The following MAP3K15 variants were observed in gnomAD, a reference collection of about 807,000 sequenced individuals.
MAP3K15 encodes mitogen-activated protein kinase kinase kinase 15.
Under a neutral mutation model 99.5 loss-of-function variants are expected in MAP3K15, and 124 were observed. That is an observed-to-expected ratio of 1.25 (90% CI 1.08 to 1.45). MAP3K15 has a LOEUF of 1.45. Among genes scored for constraint, MAP3K15 ranks in the 40% most tolerant of loss-of-function variants. The pLI is 0.00. For synonymous variants in MAP3K15, 494 were observed against 439.6 expected (o/e 1.12, Z -1.55); for missense variants, 1,242 against 1,079.7 (o/e 1.15, Z -2.11).
chrX:19,446,482 G>C (rs976423154), intron 6 of MAP3K15, among the ~76,000 whole-genome samples: 1 of 111,545 alleles, frequency 9.0e-6, no homozygotes, highest in Admixed American at 9.5e-5. Flanking sequence ...ACCTGCCTAA[G>C]GCCATGCAGA....
chrX:19,394,910 A>T (rs778928899), intron 16 of MAP3K15, among the ~76,000 whole-genome samples, 171 bp downstream of exon 16: 27 of 96,213 alleles, frequency 2.8e-4, no homozygotes, highest in Non-Finnish European at 8.0e-5. Context: ...TGCAGCCTTG[A>T]CCTCATGGGC....
At chrX:19,394,789 CTTTTTTTTTTTTTTTTTTTTTTTTTT>C (rs144723219) in intron 16 of MAP3K15, among the ~76,000 whole-genome samples, 179 of 17,520 alleles carry the variant, frequency 0.01, 3 homozygotes, top group African/African-American at 0.021. Context: ...GGGTCTGTTG[CTTTTTTTTTTTTTTTTTTTTTTTTTT>C]TTTTTTTTTT....
chrX:19,460,189 T>A lies in MAP3K15; in HGVS notation c.720-36A>T, dbSNP rs373588606. ...AAAAACACAAAATCCTCCAGTCACA[T>A]CTGCACGCACCCAGGACTGTCTTGC... On this transcript the variant is annotated intron_variant, in intron 4 of 28. Coordinates refer to ENST00000338883, the MANE Select transcript of MAP3K15 (RefSeq NM_001001671.4). 1.1e-5 allele frequency: 11 copies of A among 1,045,091 alleles called. No homozygotes were observed. The African/African-American group carries it at 2.1e-4, about 20-fold the overall frequency. 86.1% of individuals were successfully genotyped at this position (1,045,091 alleles called of 1,213,427 possible). A position where few individuals can be genotyped will look rare whatever the true frequency, so the allele number is the denominator to read the frequency against.
At chrX:19,446,400 T>C (rs1460975076) in intron 6 of MAP3K15, among the ~76,000 whole-genome samples, 1 of 111,849 alleles carries the variant, frequency 8.9e-6, no homozygotes, top group African/African-American at 3.2e-5. Flanking sequence ...CAAAATCATC[T>C]GGTCCAAATC....
intron 2 of MAP3K15, 47 bp from the exon 3 acceptor site, chrX:19,486,552 A>G (rs2064327254): frequency 7.3e-6 from 5 of 681,945 alleles, no homozygotes; most frequent in Non-Finnish European, 1.0e-5. Flanking sequence ...TAAAACAGCT[A>G]ATTTCCATAA....
intron 3 of MAP3K15, among the ~76,000 whole-genome samples, chrX:19,471,864 A>C (rs1266067509): frequency 8.9e-6 from 1 of 112,315 alleles, no homozygotes; most frequent in Non-Finnish European, 1.9e-5. Flanking sequence ...TCAAAAATGA[A>C]GATGAAATAT....
In MAP3K15 at chrX:19,392,487, C is replaced by A; in HGVS notation, c.2195-14G>T. 8.4e-7 allele frequency: 1 copy of A among 1,194,398 alleles called. No individual in the cohort carries two copies. Among genetic ancestry groups the A allele is most frequent in the Non-Finnish European group, 1.1e-6 (1 of 888,920 alleles). The stretch of plus-strand genomic sequence containing the variant: ...CAGAAAGGCTTCCTAGAGACAGTCA[C>A]AGCAAAAAACTTATCAGGAAGAGAA... On this transcript the variant is annotated splice_polypyrimidine_tract_variant and intron_variant, in intron 16 of 28. Coordinates refer to ENST00000338883, the MANE Select transcript of MAP3K15 (RefSeq NM_001001671.4).
intron 11 of MAP3K15, among the ~76,000 whole-genome samples, chrX:19,410,752 C>T (rs1017247709): frequency 8.9e-6 from 1 of 111,978 alleles, no homozygotes; most frequent in Non-Finnish European, 1.9e-5. Context: ...AAAACTAACT[C>T]GGTCCCCTCC....
At chrX:19,478,215 GGAGA>G (rs1447537306) in intron 3 of MAP3K15, among the ~76,000 whole-genome samples, 1 of 72,068 alleles carries the variant, frequency 1.4e-5, no homozygotes, top group Non-Finnish European at 2.6e-5. Context: ...AAAGAGGGAG[GGAGA>G]GAGAAAGAAC....
Position 19,505,178 on chromosome X carries a change from T to C in MAP3K15, c.361+9723A>G, listed in dbSNP as rs761825354. On this transcript the variant is annotated intron_variant, in intron 1 of 28. Coordinates refer to ENST00000338883, the MANE Select transcript of MAP3K15 (RefSeq NM_001001671.4). ...AAGCCAGTATTAACCTGATGGCTGATGGTCCAAGCATCTCATTTCTATTTT... is the reference window on the plus strand; with the variant it reads ...AAGCCAGTATTAACCTGATGGCTGACGGTCCAAGCATCTCATTTCTATTTT... Among the ~76,000 whole-genome samples the C allele has an allele frequency of 3.7e-5, 4 of 107,514 alleles. No individual in the cohort carries two copies. The East Asian group carries it at 1.1e-3, about 31-fold the overall frequency. The allele number at this position is 107,514 out of a possible 115,157, so 93.4% of individuals were successfully genotyped here.
intron 26 of MAP3K15, 141 bp from the exon 27 acceptor site, chrX:19,361,734 A>G: frequency 2.3e-6 from 1 of 434,343 alleles, no homozygotes. Flanking sequence ...GAACCACGCT[A>G]ATACGTATTA....
chrX:19,372,630 G>A lies in MAP3K15; in HGVS notation c.3108+23C>T, dbSNP rs369391849. ...CTGGGCAGAGGGAGCGGGAAGAGTC[G>A]GTGCCCTCCCTCGGGCAAATACCTG... On this transcript the variant is annotated intron_variant, in intron 22 of 28. Coordinates refer to ENST00000338883, the MANE Select transcript of MAP3K15 (RefSeq NM_001001671.4). 1.7e-5 allele frequency: 20 copies of A among 1,182,080 alleles called. No individual in the cohort carries two copies. The African/African-American group carries it at 1.9e-4, about 11-fold the overall frequency.
At chrX:19,432,210 GAGTCATATCAACTAAATGCAACATACAT>G (rs1422352512) in intron 6 of MAP3K15, among the ~76,000 whole-genome samples, 1 of 110,389 alleles carries the variant, frequency 9.1e-6, no homozygotes, top group Non-Finnish European at 1.9e-5. Flanking sequence ...AAAGACTTAA[GAGTCATATCAACTAAATGCAACATACAT>G]AGTCTGGACT....
chrX:19,366,742 T>G (rs143671199), intron 25 of MAP3K15, among the ~76,000 whole-genome samples: 4,470 of 111,940 alleles, frequency 0.04, 221 homozygotes, highest in African/African-American at 0.14. Context: ...GTTTCTGGTA[T>G]GTATCAGCAG....
At chrX:19,495,552 G>GT (rs751724769) in intron 1 of MAP3K15, among the ~76,000 whole-genome samples, 12 of 108,013 alleles carry the variant, frequency 1.1e-4, no homozygotes, top group South Asian at 4.0e-4. Context: ...TAAATCTTTT[G>GT]TTTTTTTTTC....
chrX:19,513,238 C>T (rs949334602), intron 1 of MAP3K15, among the ~76,000 whole-genome samples: 1 of 110,928 alleles, frequency 9.0e-6, no homozygotes, highest in African/African-American at 3.3e-5. Flanking sequence ...TTAGAAGGGC[C>T]CCCCGTACAC....
chrX:19,477,131 G>A (rs57945207), intron 3 of MAP3K15, among the ~76,000 whole-genome samples: 11,171 of 111,489 alleles, frequency 0.1, 1,091 homozygotes, highest in African/African-American at 0.3. Context: ...GAAAATAGAT[G>A]GGTGCCATGG....
At chrX:19,376,944 C>T (rs1275151176) in intron 19 of MAP3K15, 1 of 110,828 alleles carries the variant, frequency 9.0e-6, no homozygotes, top group Non-Finnish European at 1.9e-5. Context: ...GGATTAGGGC[C>T]CACATTCCAG....
At chrX:19,363,910 C>A (rs761016142) in intron 25 of MAP3K15, among the ~76,000 whole-genome samples, 20 of 110,991 alleles carry the variant, frequency 1.8e-4, no homozygotes, top group Non-Finnish European at 3.0e-4. Context: ...GCCTCGGCCT[C>A]CCAAAGTGCT....
Sources: allele counts gnomAD v4.1 joint callset (sites outside exome capture counted in the v4.1 genomes callset), GRCh38; gene constraint gnomAD v4.1.1; transcripts MANE v1.5; gene names NCBI Gene and HGNC (gene_info 2026-07-23, HGNC 2026-07-21).